Variants in GATAD2A observed in about 807,000 individuals in gnomAD.
GATAD2A encodes GATA zinc finger domain containing 2A, also known as transcriptional repressor p66-alpha.
A neutral mutation model predicts 68.5 loss-of-function variants in GATAD2A; 12 were observed. The observed-to-expected ratio is 0.18, with a 90% CI of 0.11 to 0.28. The LOEUF (loss-of-function observed/expected upper bound fraction) is 0.28. Ranked by LOEUF, GATAD2A falls within the 10% of genes least tolerant of loss-of-function variation. The probability of loss-of-function intolerance (pLI) is 1.00; values close to 1 mark genes in which losing one functional copy is unlikely to be tolerated. For missense variants in GATAD2A, 755 were observed against 868.5 expected, an observed-to-expected ratio of 0.87 and a Z score of 1.64; for synonymous variants, 410 against 375.3, an observed-to-expected ratio of 1.09 and a Z score of -1.07.
At chr19:19,436,318 C>T in intron 1 of GATAD2A, 1 of 584,706 alleles carries the variant, frequency 1.7e-6, no homozygotes, top group Non-Finnish European at 3.1e-6. Context: ...GCTGCTTCAG[C>T]CACCTCCTAG....
At chr19:19,498,388 G>C in intron 7 of GATAD2A, 55 bp from the exon 8 acceptor site, 1 of 1,539,582 alleles carries the variant, frequency 6.5e-7, no homozygotes, top group Non-Finnish European at 8.8e-7. Context: ...GCGCTGGGGA[G>C]CCTTCCTCTG....
At chr19:19,431,565 G>A (rs2053754135) in intron 1 of GATAD2A, among the ~76,000 whole-genome samples, 1 of 150,964 alleles carries the variant, frequency 6.6e-6, no homozygotes, top group Non-Finnish European at 1.5e-5. Context: ...GTGGTGGTGC[G>A]TGCCTGTAGT....
intron 1 of GATAD2A, among the ~76,000 whole-genome samples, chr19:19,461,901 G>T (rs987055457): frequency 7.2e-5 from 11 of 152,116 alleles, no homozygotes; most frequent in African/African-American, 2.7e-4. Flanking sequence ...GGATCTGTCT[G>T]TGCAGGCAGC....
upstream of GATAD2A, among the ~76,000 whole-genome samples, chr19:19,401,681 C>A (rs1483713444): frequency 6.6e-6 from 1 of 151,724 alleles, no homozygotes; most frequent in Non-Finnish European, 1.5e-5. Flanking sequence ...TCACATAAGT[C>A]ATCTTGTATG....
At chr19:19,404,759 A>G (rs912323783), upstream of GATAD2A, among the ~76,000 whole-genome samples, 1 of 152,204 alleles carries the variant, frequency 6.6e-6, no homozygotes, top group African/African-American at 2.4e-5. Flanking sequence ...TCAGTTGTAC[A>G]TATAGATTTA....
chr19:19,420,176 A>G (rs1401022612), intron 1 of GATAD2A, among the ~76,000 whole-genome samples: 2 of 97,384 alleles, frequency 2.1e-5, no homozygotes, highest in Admixed American at 1.2e-4. Context: ...ATATCCAGCT[A>G]GTTTTTTTTT....
chr19:19,471,647 T>C (rs779700935), intron 2 of GATAD2A, among the ~76,000 whole-genome samples: 2 of 152,240 alleles, frequency 1.3e-5, no homozygotes, highest in East Asian at 3.8e-4. Flanking sequence ...TTACGGTGGC[T>C]GAATTTTGCG....
At chr19:19,490,930 G>A (rs149419647) in intron 2 of GATAD2A, among the ~76,000 whole-genome samples, 6 of 152,316 alleles carry the variant, frequency 3.9e-5, no homozygotes, top group Non-Finnish European at 8.8e-5. Flanking sequence ...ATCAGGGACA[G>A]TTTGCCTTGT....
At chr19:19,472,340 T>A (rs1455142529) in intron 2 of GATAD2A, 1 of 149,010 alleles carries the variant, frequency 6.7e-6, no homozygotes, top group Admixed American at 6.7e-5. Flanking sequence ...TTTCTTTTCT[T>A]TTTTTTTTTT....
chr19:19,413,845 A>G (rs2147151894), intron 1 of GATAD2A, among the ~76,000 whole-genome samples: 1 of 152,294 alleles, frequency 6.6e-6, no homozygotes, highest in Admixed American at 6.5e-5. Flanking sequence ...TTGGCCTCCC[A>G]AAGTACTGGG....
intron 1 of GATAD2A, among the ~76,000 whole-genome samples, chr19:19,455,117 G>T (rs1391350505): frequency 1.3e-5 from 2 of 152,166 alleles, no homozygotes; most frequent in East Asian, 1.9e-4. Flanking sequence ...CTACTTGGGA[G>T]GCTGAGGCAG....
chr19:19,457,291 TC>T, intron 1 of GATAD2A: 2 of 947,490 alleles, frequency 2.1e-6, no homozygotes, highest in Non-Finnish European at 2.5e-6. Context: ...CCCAGGGGCC[TC>T]CCAGAGCTTC....
intron 1 of GATAD2A, among the ~76,000 whole-genome samples, chr19:19,411,299 G>A (rs1280214091): frequency 6.6e-6 from 1 of 152,214 alleles, no homozygotes; most frequent in Admixed American, 6.5e-5. Context: ...GATACTGAAT[G>A]CCTGGGTTGG....
intron 1 of GATAD2A, among the ~76,000 whole-genome samples, chr19:19,463,837 C>T (rs1232003726): frequency 5.3e-5 from 8 of 152,362 alleles, no homozygotes; most frequent in Non-Finnish European, 1.2e-4. Flanking sequence ...TGGCACAACA[C>T]GCATGTAGAC....
intron 1 of GATAD2A, among the ~76,000 whole-genome samples, chr19:19,397,025 T>C (rs538262059): frequency 6.6e-6 from 1 of 152,060 alleles, no homozygotes; most frequent in Non-Finnish European, 1.5e-5. Flanking sequence ...CTTAAGTGGC[T>C]AGGTGTTCTG....
At chr19:19,477,850 C>T (rs545082361) in intron 2 of GATAD2A, among the ~76,000 whole-genome samples, 28 of 152,228 alleles carry the variant, frequency 1.8e-4, no homozygotes, top group African/African-American at 6.3e-4. Flanking sequence ...TTCAGAATAG[C>T]GTCCTCACAC....
At chr19:19,410,098 C>T (rs758441321) in intron 1 of GATAD2A, among the ~76,000 whole-genome samples, 9 of 152,282 alleles carry the variant, frequency 5.9e-5, no homozygotes, top group African/African-American at 1.7e-4. Flanking sequence ...CTCCTCTGTA[C>T]GCTGTACCCC....
intron 1 of GATAD2A, among the ~76,000 whole-genome samples, chr19:19,437,753 T>G (rs925680721): frequency 3.9e-5 from 6 of 152,240 alleles, no homozygotes; most frequent in South Asian, 2.1e-4. Flanking sequence ...AATCAGTGCT[T>G]CTTTCCTTTT....
chr19:19,478,674 G>A (rs1327686032), intron 2 of GATAD2A, among the ~76,000 whole-genome samples: 2 of 151,970 alleles, frequency 1.3e-5, no homozygotes, highest in Admixed American at 1.3e-4. Flanking sequence ...TTGCAGAGTG[G>A]TGGCGCACAC....
Sources: gnomAD v4.1 joint callset for allele counts (sites outside exome capture counted in the v4.1 genomes callset) on GRCh38, gnomAD v4.1.1 for gene constraint, MANE v1.5 for transcripts, NCBI Gene and HGNC (gene_info 2026-07-23, HGNC 2026-07-21) for gene names.